Variants in KCNIP4 observed in about 807,000 individuals in gnomAD.
The protein encoded by KCNIP4 is potassium voltage-gated channel interacting protein 4.
Under a neutral mutation model 34.0 loss-of-function variants are expected in KCNIP4, and 12 were observed. The ratio of observed to expected loss-of-function variants is 0.35; its 90% confidence interval spans 0.23 to 0.57. The LOEUF is 0.57. Among genes scored for constraint, KCNIP4 ranks in the 20% least tolerant of loss-of-function variants. The pLI, the probability that KCNIP4 is intolerant of heterozygous loss-of-function variation, is 0.83. For synonymous variants in KCNIP4, 124 were observed against 102.2 expected (o/e 1.21, Z -1.29); for missense variants, 238 against 311.7 (o/e 0.76, Z 1.78).
At chr4:20,898,615 G>A (rs1726817483) in intron 1 of KCNIP4, among the ~76,000 whole-genome samples, 1 of 152,134 alleles carries the variant, frequency 6.6e-6, no homozygotes, top group Admixed American at 6.6e-5. Flanking sequence ...AATTCCTTGA[G>A]GGCAGAGGTT....
chr4:21,063,581 T>C (rs909931088), intron 1 of KCNIP4, among the ~76,000 whole-genome samples: 8 of 152,208 alleles, frequency 5.3e-5, no homozygotes, highest in Non-Finnish European at 8.8e-5. Context: ...AGTGTGATTC[T>C]TGGGGATATG....
At chr4:21,596,657 C>G (rs957050082) in intron 1 of KCNIP4, among the ~76,000 whole-genome samples, 1 of 152,082 alleles carries the variant, frequency 6.6e-6, no homozygotes, top group African/African-American at 2.4e-5. Context: ...AAGAAAGAAG[C>G]TTTTGTTATT....
At chr4:20,760,660 G>C (rs961767166) in intron 3 of KCNIP4, among the ~76,000 whole-genome samples, 2 of 152,278 alleles carry the variant, frequency 1.3e-5, no homozygotes, top group African/African-American at 2.4e-5. Flanking sequence ...CACAGAGGCA[G>C]AACTGGAGGT....
intron 1 of KCNIP4, among the ~76,000 whole-genome samples, chr4:21,664,484 T>C (rs1312471168): frequency 6.6e-6 from 1 of 152,170 alleles, no homozygotes; most frequent in Admixed American, 6.5e-5. Context: ...TAAATATTTC[T>C]GCTTGCCATC....
chr4:21,378,694 C>G (rs1721195854), intron 1 of KCNIP4, among the ~76,000 whole-genome samples: 1 of 152,122 alleles, frequency 6.6e-6, no homozygotes, highest in African/African-American at 2.4e-5. Context: ...AATTTTAAAA[C>G]AGTTTCCAGC....
At chr4:20,905,532 G>A (rs1420994554) in intron 1 of KCNIP4, among the ~76,000 whole-genome samples, 5 of 7,142 alleles carry the variant, frequency 7.0e-4, no homozygotes, top group Non-Finnish European at 1.6e-3. Context: ...TTTTGTTTGA[G>A]ATGGAGTCTT....
At chr4:21,082,865 T>TTCTATCTATCTATCTATCTATCTA (rs71182707) in intron 1 of KCNIP4, among the ~76,000 whole-genome samples, 4 of 147,570 alleles carry the variant, frequency 2.7e-5, no homozygotes, top group Admixed American at 6.8e-5. Context: ...TGCCAGGTTA[T>TTCTATCTATCTATCTATCTATCTA]TCTATCTATC....
intron 1 of KCNIP4, among the ~76,000 whole-genome samples, chr4:21,047,171 G>T (rs1473716178): frequency 1.3e-5 from 2 of 152,132 alleles, no homozygotes; most frequent in African/African-American, 4.8e-5. Context: ...AATTTATTTG[G>T]CACATTGTGG....
intron 1 of KCNIP4, among the ~76,000 whole-genome samples, chr4:21,413,056 G>T (rs936803750): frequency 6.6e-6 from 1 of 152,124 alleles, no homozygotes; most frequent in African/African-American, 2.4e-5. Flanking sequence ...TATATATGTC[G>T]ATTCACTGAT....
At chr4:21,074,842 T>C (rs1745327527) in intron 1 of KCNIP4, among the ~76,000 whole-genome samples, 1 of 152,232 alleles carries the variant, frequency 6.6e-6, no homozygotes, top group African/African-American at 2.4e-5. Flanking sequence ...GTTGTGTCTT[T>C]GTTCTTGTTG....
At chr4:21,136,421 A>G (rs541131477) in intron 1 of KCNIP4, among the ~76,000 whole-genome samples, 1 of 152,298 alleles carries the variant, frequency 6.6e-6, no homozygotes, top group South Asian at 2.1e-4. Flanking sequence ...TTACCACACT[A>G]AAATATGATC....
At chr4:21,391,507 C>T (rs143888165) in intron 1 of KCNIP4, among the ~76,000 whole-genome samples, 110 of 152,238 alleles carry the variant, frequency 7.2e-4, no homozygotes, top group African/African-American at 2.4e-3. Context: ...TTATCAGGAA[C>T]GTGCCCTAAA....
intron 1 of KCNIP4, among the ~76,000 whole-genome samples, chr4:21,176,817 G>A (rs535463341): frequency 4.6e-5 from 7 of 152,286 alleles, no homozygotes; most frequent in Admixed American, 3.9e-4. Flanking sequence ...CACCATGCCC[G>A]GCCTTGTTCT....
intron 1 of KCNIP4, among the ~76,000 whole-genome samples, chr4:21,166,559 T>C (rs1023004750): frequency 6.6e-6 from 1 of 152,164 alleles, no homozygotes; most frequent in Non-Finnish European, 1.5e-5. Context: ...AGAAAGCATA[T>C]AGACATACAA....
intron 1 of KCNIP4, among the ~76,000 whole-genome samples, chr4:21,714,995 T>C (rs1714174324): frequency 3.2e-4 from 1 of 3,124 alleles, no homozygotes; most frequent in African/African-American, 7.1e-3. Context: ...TTTTATTTTA[T>C]TTTATTTTAT....
intron 1 of KCNIP4, among the ~76,000 whole-genome samples, chr4:21,946,607 T>C (rs1258542565): frequency 6.6e-6 from 1 of 152,238 alleles, no homozygotes; most frequent in Admixed American, 6.5e-5. Flanking sequence ...GGGATCATTC[T>C]CTAATATTAG....
intron 1 of KCNIP4, among the ~76,000 whole-genome samples, chr4:21,065,026 C>A (rs1267174205): frequency 6.6e-6 from 1 of 152,164 alleles, no homozygotes; most frequent in African/African-American, 2.4e-5. Flanking sequence ...ATTATACTAT[C>A]ACTTATGCAT....
chr4:21,898,685 C>A (rs1432250504), intron 1 of KCNIP4, among the ~76,000 whole-genome samples: 2 of 152,154 alleles, frequency 1.3e-5, no homozygotes, highest in South Asian at 2.1e-4. Context: ...TAGAGCTGTG[C>A]AAACTTCAGG....
chr4:21,227,939 GTTCC>G (rs778893513), intron 1 of KCNIP4, among the ~76,000 whole-genome samples: 99 of 152,154 alleles, frequency 6.5e-4, no homozygotes, highest in Middle Eastern at 3.4e-3. Context: ...GATCAGTTTT[GTTCC>G]TTATTTTTTT....
Sources: gnomAD v4.1 joint callset for allele counts (sites outside exome capture counted in the v4.1 genomes callset) on GRCh38, gnomAD v4.1.1 for gene constraint, MANE v1.5 for transcripts, NCBI Gene and HGNC (gene_info 2026-07-23, HGNC 2026-07-21) for gene names.